Variants in VWA5A observed in about 807,000 individuals in gnomAD.
VWA5A encodes von Willebrand factor A domain-containing protein 5A.
In VWA5A, 77 loss-of-function variants were observed where a neutral mutation model predicts 84.6. The ratio of observed to expected loss-of-function variants is 0.91; its 90% CI spans 0.76 to 1.10. The LOEUF is 1.10. VWA5A is among the 50% of genes least tolerant of loss of function. The pLI, the probability that VWA5A is intolerant of heterozygous loss-of-function variation, is 0.00. For synonymous variants in VWA5A, 334 were observed against 350.1 expected (o/e 0.95, Z 0.51); for missense variants, 973 against 963.0 (o/e 1.01, Z -0.14).
chr11:124,118,827 T>C, intron 6 of VWA5A, 119 bp downstream of exon 6: 1 of 1,373,954 alleles, frequency 7.3e-7, no homozygotes. Context: ...TCCTTGCATA[T>C]CGTCATTTAA....
Position 124,118,538 on chromosome 11 carries a change from T to G in VWA5A, c.475T>G (p.Ser159Ala), listed in dbSNP as rs150170122. ...LNPRYQFSGS[S>A]KDSCLNVKTP... is the part of the protein sequence containing the mutation. ...ACTAAGGTCATCTTTTATAGGGTCGTCTAAGGACAGTTGCCTTAATGTGAA... is the reference window on the plus strand; with the variant it reads ...ACTAAGGTCATCTTTTATAGGGTCGGCTAAGGACAGTTGCCTTAATGTGAA... Residue 159 changes from serine to alanine, a missense_variant, in exon 6 of 19, where the codon TCT becomes GCT. By Grantham distance (99) the Ser-to-Ala change is moderately conservative (BLOSUM62 1). Coordinates refer to ENST00000456829, the MANE Select transcript of VWA5A (RefSeq NM_001130142.2). The G allele has an allele frequency of 7.9e-5, 127 of 1,614,116 alleles. No individual in the cohort carries two copies. The African/African-American group carries it at 1.3e-3, about 17-fold the overall frequency.
Position 124,118,513 on chromosome 11 carries a change from A to G in VWA5A, c.470-20A>G, listed in dbSNP as rs1175961760. On this transcript the variant is annotated intron_variant, in intron 5 of 18. Coordinates refer to ENST00000456829, the MANE Select transcript of VWA5A (RefSeq NM_001130142.2). Reference sequence around the variant, plus strand: ...AAAAAGTGTTGGCAAGGAAAACAGAACTAAGGTCATCTTTTATAGGGTCGT... The same window carrying G: ...AAAAAGTGTTGGCAAGGAAAACAGAGCTAAGGTCATCTTTTATAGGGTCGT... 1 of 1,613,546 alleles carries G rather than the reference A, an allele frequency of 6.2e-7. No homozygotes were observed. The highest frequency in any genetic ancestry group is 1.7e-5 in the Admixed American group (1 of 59,994).
intron 6 of VWA5A, 65 bp from the exon 7 acceptor site, chr11:124,118,910 A>AGT: frequency 6.6e-7 from 1 of 1,526,634 alleles, no homozygotes; most frequent in Non-Finnish European, 9.0e-7. Context: ...CTGCGCCCTA[A>AGT]CCTCAGCCCC....
intron 6 of VWA5A, 120 bp downstream of exon 6, chr11:124,118,828 C>A: frequency 7.3e-7 from 1 of 1,365,500 alleles, no homozygotes; most frequent in Non-Finnish European, 1.0e-6. Flanking sequence ...CCTTGCATAT[C>A]GTCATTTAAT....
At position 124,136,136 on chromosome 11, in the gene VWA5A, G is replaced by A. The variant is rs764916904; in HGVS notation, c.1367G>A (p.Arg456Lys). ...TTCTCTTCCCCACATTAGGCTCTCA[G>A]GACTCTGAAACGCTCTCTGCAGCCT... ...GKDRMQSKAL[R>K]TLKRSLQPVV... Residue 456 changes from arginine (R) to lysine (K), a missense_variant, in exon 13 of 19, where the codon AGG becomes AAG. Physicochemically the swap from Arg to Lys is conservative, Grantham distance 26. Coordinates refer to ENST00000456829, the MANE Select transcript of VWA5A (RefSeq NM_001130142.2). The A allele has an allele frequency of 6.2e-7, 1 of 1,613,872 alleles. No individual in the cohort carries two copies. Among genetic ancestry groups the A allele is most frequent in the Admixed American group, 1.7e-5 (1 of 60,004 alleles).
rs916654816 is a variant in VWA5A at position 124,128,878 on chromosome 11, G to T, written c.1244+4562G>T. The stretch of plus-strand genomic sequence containing the variant: ...TTGCTTATCAGCTTAAACAGATTTT[G>T]GGCTGAGACGATAAGGTTTTCTAAA... On this transcript the variant is annotated intron_variant, in intron 11 of 18. Transcript: ENST00000456829. Among the ~76,000 whole-genome samples, 137 of 152,138 alleles carry T rather than the reference G, an allele frequency of 9.0e-4. 1 individual carries two copies. The highest frequency in any genetic ancestry group is 9.0e-3 in the Admixed American group (137 of 15,274).
intron 15 of VWA5A, among the ~76,000 whole-genome samples, chr11:124,140,725 T>C (rs1860709967): frequency 6.6e-6 from 1 of 152,194 alleles, no homozygotes. Context: ...TGCCTGGGAC[T>C]CTAGGCACAT....
In VWA5A at chr11:124,135,016, A is replaced by T; in HGVS notation, c.1341A>T (p.Lys447Asn). 1 of 1,613,614 alleles carries T rather than the reference A, an allele frequency of 6.2e-7. No individual in the cohort carries two copies. The highest frequency in any genetic ancestry group is 8.5e-7 in the Non-Finnish European group (1 of 1,179,764). Residue 447 changes from lysine to asparagine, a missense_variant, in exon 12 of 19, where the codon AAA becomes AAT. Lys to Asn is a moderately conservative substitution (Grantham distance 94, BLOSUM62 0). Transcript: ENST00000456829. ...SGGTSEFITG[K>N]DRMQSKALRT... ...GCACCTCAGAATTTATCACAGGCAA[A>T]GACAGGATGCAGTCCAAGGTGAGGG...
rs1864968994 is a variant in VWA5A, at chr11:124,123,640, G to C, written c.1020-20G>C. On this transcript the variant is annotated intron_variant, in intron 9 of 18. Transcript: ENST00000456829. The stretch of plus-strand genomic sequence containing the variant: ...AGGTTAAGTAACCCTCATGTAACTG[G>C]GTGTGTTTGTTTTTCTCAGGGAGAG... 2 of 1,613,946 alleles carry C rather than the reference G, an allele frequency of 1.2e-6. No individual in the cohort carries two copies. The highest frequency in any genetic ancestry group is 1.7e-6 in the Non-Finnish European group (2 of 1,180,034).
rs1860799004 is a variant in VWA5A, at chr11:124,145,290, C to T, written c.2208C>T (p.Ser736=). Residue 736 remains serine, a synonymous_variant, in exon 18 of 19, where the codon AGC becomes AGT. Transcript: ENST00000456829. ...ATILAVIWLH[S]NGKDLKCEWE... is the part of the protein sequence containing the mutation. Reference sequence around the variant, plus strand: ...TCCTGGCCGTGATCTGGCTGCACAGCAATGGTAAGGACTTGAAGTGTGAAT... The same window carrying T: ...TCCTGGCCGTGATCTGGCTGCACAGTAATGGTAAGGACTTGAAGTGTGAAT... 1 of 1,613,890 alleles carries T rather than the reference C, an allele frequency of 6.2e-7. No homozygotes were observed. Among genetic ancestry groups the T allele is most frequent in the Non-Finnish European group, 8.5e-7 (1 of 1,179,870 alleles).
rs1296849469 is a variant in VWA5A at position 124,117,550 on chromosome 11, G to A, written c.39G>A (p.Glu13=). The part of the protein sequence containing the change: ...HFCGLLTLHR[E]PVPLKSISVS... ...GTGGCCTACTCACCCTCCACCGGGA[G>A]CCAGGTAAGCCTAATTTGTGACTCT... Residue 13 remains glutamate (E), a synonymous_variant, in exon 3 of 19, where the codon GAG becomes GAA. Transcript: ENST00000456829. 3 of 1,614,188 alleles carry A rather than the reference G, an allele frequency of 1.9e-6. No individual in the cohort carries two copies. The Admixed American group carries it at 5.0e-5, about 27-fold the overall frequency.
intron 7 of VWA5A, among the ~76,000 whole-genome samples, chr11:124,121,149 G>A (rs1324194671): frequency 2.0e-5 from 3 of 152,134 alleles, no homozygotes; most frequent in Non-Finnish European, 4.4e-5. Flanking sequence ...GAAACCTACA[G>A]ATATATGACA....
At position 124,119,045 on chromosome 11, in the gene VWA5A, C is replaced by T; in HGVS notation, c.716C>T (p.Thr239Ile). 2 of 1,614,212 alleles carry T rather than the reference C, an allele frequency of 1.2e-6. No individual in the cohort carries two copies. The highest frequency in any genetic ancestry group is 1.7e-6 in the Non-Finnish European group (2 of 1,180,044). The change falls in exon 7 of 19, where the codon ACC becomes ATC. Residue 239 changes from threonine to isoleucine, a missense_variant. By Grantham distance (89) the Thr-to-Ile change is moderately conservative. Coordinates refer to ENST00000456829, the MANE Select transcript of VWA5A (RefSeq NM_001130142.2). The stretch of plus-strand genomic sequence containing the variant: ...CTGATTTACTACAATGAGGTGCATA[C>T]CCCCAGCGTGGTTTTGGAGATGGGG... ...ELLIYYNEVH[T>I]PSVVLEMGMP...
chr11:124,120,891 A>G (rs1246197459), intron 7 of VWA5A, among the ~76,000 whole-genome samples: 1 of 152,172 alleles, frequency 6.6e-6, no homozygotes, highest in Non-Finnish European at 1.5e-5. Context: ...CTGTTTTTCT[A>G]AGAAGTTCCC....
intron 15 of VWA5A, among the ~76,000 whole-genome samples, chr11:124,139,108 C>T (rs1233160113): frequency 6.6e-6 from 1 of 152,040 alleles, no homozygotes; most frequent in Non-Finnish European, 1.5e-5. Flanking sequence ...TTTCTGGGCT[C>T]TCCATTTCTG....
chr11:124,144,194 A>C (rs1860777197), intron 17 of VWA5A, among the ~76,000 whole-genome samples: 1 of 152,198 alleles, frequency 6.6e-6, no homozygotes, highest in African/African-American at 2.4e-5. Flanking sequence ...AAAAAAAAAG[A>C]AAAACAACAT....
chr11:124,135,453 G>A lies in VWA5A; in HGVS notation c.1359+419G>A, dbSNP rs10466537. Reference sequence around the variant, plus strand: ...ATAATCATGATATGTCTAATGGATCGGAAGAGGTAGTAAATTGCTATTCCA... The same window carrying A: ...ATAATCATGATATGTCTAATGGATCAGAAGAGGTAGTAAATTGCTATTCCA... On this transcript the variant is annotated intron_variant, in intron 12 of 18. Coordinates refer to ENST00000456829, the MANE Select transcript of VWA5A (RefSeq NM_001130142.2). 1.5e-4 allele frequency among the ~76,000 whole-genome samples: 22 copies of A among 151,724 alleles called. 1 individual carries two copies. The highest frequency in any genetic ancestry group is 4.4e-4 in the African/African-American group (18 of 41,354).
intron 17 of VWA5A, among the ~76,000 whole-genome samples, chr11:124,144,375 T>G (rs1860779620): frequency 6.6e-6 from 1 of 152,182 alleles, no homozygotes; most frequent in South Asian, 2.1e-4. Flanking sequence ...TGGGCTGTGA[T>G]TGTAGAATTC....
chr11:124,136,727 TC>T, intron 14 of VWA5A, 53 bp downstream of exon 14: 1 of 1,286,046 alleles, frequency 7.8e-7, no homozygotes, highest in Non-Finnish European at 1.1e-6. Context: ...CTTCCTTCCT[TC>T]CTTCCTTCCT....
Sources: allele counts gnomAD v4.1 joint callset (sites outside exome capture counted in the v4.1 genomes callset), GRCh38; gene constraint gnomAD v4.1.1; transcripts MANE v1.5; gene names NCBI Gene and HGNC (gene_info 2026-07-23, HGNC 2026-07-21).